Variants in AKAP13 observed in about 807,000 individuals in gnomAD.
AKAP13 encodes the protein A-kinase anchoring protein 13, also known as A-kinase anchor protein 13.
A neutral mutation model predicts 264.5 loss-of-function variants in AKAP13; 80 were observed. The ratio of observed to expected loss-of-function variants is 0.30; its 90% CI spans 0.25 to 0.36. The LOEUF (loss-of-function observed/expected upper bound fraction) is 0.36, where lower values mean the gene tolerates loss of function less well. AKAP13 is among the 10% of genes least tolerant of loss of function. The pLI is 1.00. For synonymous variants in AKAP13, 1,380 were observed against 1,250.2 expected, an observed-to-expected ratio of 1.10 and a Z score of -2.19; for missense variants, 3,712 against 3,435.2, an observed-to-expected ratio of 1.08 and a Z score of -2.01.
chr15:85,411,242 G>A (rs942111594), intron 1 of AKAP13, among the ~76,000 whole-genome samples: 7 of 152,240 alleles, frequency 4.6e-5, no homozygotes, highest in Non-Finnish European at 7.3e-5. Context: ...CATGTACTGT[G>A]AGTGAGAAAT....
chr15:85,672,531 A>G (rs751955137), intron 14 of AKAP13, among the ~76,000 whole-genome samples: 8 of 152,194 alleles, frequency 5.3e-5, no homozygotes, highest in African/African-American at 1.2e-4. Context: ...TCACTTAAAT[A>G]CTCAGCATGA....
chr15:85,593,169 G>A (rs1327387649), intron 8 of AKAP13, among the ~76,000 whole-genome samples: 1 of 152,090 alleles, frequency 6.6e-6, no homozygotes, highest in African/African-American at 2.4e-5. Context: ...AAAATTAGCA[G>A]GGCGTGGTGG....
chr15:85,586,559 A>G (rs1272871677), intron 8 of AKAP13, among the ~76,000 whole-genome samples: 1 of 152,066 alleles, frequency 6.6e-6, no homozygotes, highest in Non-Finnish European at 1.5e-5. Flanking sequence ...TGATAGCCAA[A>G]ATGAGATTTT....
At chr15:85,546,027 C>CT (rs1329729358) in intron 5 of AKAP13, among the ~76,000 whole-genome samples, 1 of 152,118 alleles carries the variant, frequency 6.6e-6, no homozygotes, top group Admixed American at 6.5e-5. Flanking sequence ...CTTTCTGTCT[C>CT]TAAGAATTTG....
chr15:85,490,069 C>A (rs1344229839), intron 2 of AKAP13, among the ~76,000 whole-genome samples: 3 of 152,142 alleles, frequency 2.0e-5, no homozygotes, highest in African/African-American at 7.2e-5. Context: ...CAGATGAATT[C>A]ATAAGAATTG....
chr15:85,707,899 A>G, intron 17 of AKAP13, 120 bp from the exon 18 acceptor site: 1 of 921,338 alleles, frequency 1.1e-6, no homozygotes, highest in South Asian at 1.4e-5. Flanking sequence ...TTTCAGTCAC[A>G]TTCTCACATG....
At chr15:85,532,184 A>C (rs1055749626) in intron 3 of AKAP13, among the ~76,000 whole-genome samples, 12 of 152,224 alleles carry the variant, frequency 7.9e-5, no homozygotes, top group African/African-American at 2.9e-4. Flanking sequence ...TACCACCCTA[A>C]AATTACACAG....
intron 14 of AKAP13, among the ~76,000 whole-genome samples, chr15:85,677,514 G>C (rs571676844): frequency 1.3e-5 from 2 of 152,032 alleles, no homozygotes; most frequent in African/African-American, 4.8e-5. Context: ...GTTCATCTGT[G>C]GTGTTTAAAA....
chr15:85,647,990 T>C (rs371185055), intron 10 of AKAP13, among the ~76,000 whole-genome samples: 1 of 151,924 alleles, frequency 6.6e-6, no homozygotes, highest in East Asian at 1.9e-4. Flanking sequence ...TCTCTTTACT[T>C]AGGAAAAGAG....
At chr15:85,631,500 TCTCACACACACACACACA>T (rs747932394) in intron 8 of AKAP13, among the ~76,000 whole-genome samples, 36 of 80,198 alleles carry the variant, frequency 4.5e-4, no homozygotes, top group African/African-American at 1.3e-3. Context: ...TCTCTCTCTC[TCTCACACACACACACACA>T]CACACACACA....
intron 2 of AKAP13, among the ~76,000 whole-genome samples, chr15:85,518,494 G>A (rs559492958): frequency 2.0e-5 from 3 of 152,268 alleles, no homozygotes; most frequent in Non-Finnish European, 4.4e-5. Flanking sequence ...TGGGCATAAG[G>A]TAGTGTGACT....
At position 85,490,867 on chromosome 15, in the gene AKAP13, A is replaced by T. The variant is rs184480496; in HGVS notation, c.33+5114A>T. Reference sequence around the variant, plus strand: ...AGGAAGAAAAGTTCTATGAAAATAAATGAAATGGCGATGTGATTGTGCCTG... The same window carrying T: ...AGGAAGAAAAGTTCTATGAAAATAATTGAAATGGCGATGTGATTGTGCCTG... On this transcript the variant is annotated intron_variant, in intron 2 of 36. Coordinates refer to ENST00000394518, the MANE Select transcript of AKAP13 (RefSeq NM_007200.5). Among the ~76,000 whole-genome samples, 29 of 152,278 alleles carry T rather than the reference A, an allele frequency of 1.9e-4. 1 individual carries two copies. The East Asian group carries it at 5.6e-3, about 29-fold the overall frequency.
At chr15:85,710,682 A>G (rs560975620) in intron 19 of AKAP13, 37 bp downstream of exon 19, 3 of 1,597,594 alleles carry the variant, frequency 1.9e-6, no homozygotes, top group South Asian at 1.1e-5. Context: ...TCCCTTTCTG[A>G]CTTTCTGGTT....
intron 3 of AKAP13, among the ~76,000 whole-genome samples, chr15:85,528,950 T>C (rs1421827225): frequency 6.6e-6 from 1 of 152,218 alleles, no homozygotes; most frequent in Admixed American, 6.5e-5. Context: ...TTATTTTCCT[T>C]TCTTGTTACC....
intron 2 of AKAP13, among the ~76,000 whole-genome samples, chr15:85,513,367 G>C (rs1167359027): frequency 6.6e-6 from 1 of 151,860 alleles, no homozygotes; most frequent in Non-Finnish European, 1.5e-5. Context: ...AAGCCTTGGA[G>C]GTTTTACAAT....
intron 5 of AKAP13, among the ~76,000 whole-genome samples, chr15:85,556,224 A>G (rs28555427): frequency 1.2e-3 from 185 of 152,366 alleles, no homozygotes; most frequent in African/African-American, 4.1e-3. Context: ...AAAGTAAATA[A>G]TAAACCAACA....
In AKAP13 at chr15:85,401,067, C is replaced by T. The variant is rs1013232819; in HGVS notation, c.-12+20269C>T. Among the ~76,000 whole-genome samples, 4 of 151,768 alleles carry T rather than the reference C, an allele frequency of 2.6e-5. No homozygotes were observed. In the South Asian group the frequency reaches 8.3e-4, roughly 32 times the overall value. ...ATTGGAGATTGGGTTTTACCATGTT[C>T]GTCAAGCTGATCTCAAACTCCTGAC... On this transcript the variant is annotated intron_variant, in intron 1 of 36. Coordinates refer to ENST00000394518, the MANE Select transcript of AKAP13 (RefSeq NM_007200.5).
chr15:85,678,459 T>G (rs2084376067), intron 14 of AKAP13, among the ~76,000 whole-genome samples: 1 of 152,248 alleles, frequency 6.6e-6, no homozygotes. Flanking sequence ...AAAAGATGTT[T>G]GAAAAATAGA....
At chr15:85,676,949 A>C (rs994273970) in intron 14 of AKAP13, 2 of 985,340 alleles carry the variant, frequency 2.0e-6, no homozygotes, top group African/African-American at 1.7e-5. Flanking sequence ...AGCATGCTCT[A>C]ATGTCTTCTG....
Sources: gnomAD v4.1 joint callset for allele counts (sites outside exome capture counted in the v4.1 genomes callset) on GRCh38, gnomAD v4.1.1 for gene constraint, MANE v1.5 for transcripts, NCBI Gene and HGNC (gene_info 2026-07-23, HGNC 2026-07-21) for gene names.